Variants in RYR2 observed in about 807,000 individuals in gnomAD.
RYR2 encodes the protein cardiac muscle ryanodine receptor-calcium release channel.
A neutral mutation model predicts 601.1 loss-of-function variants in RYR2; 227 were observed. The observed-to-expected ratio is 0.38, with a 90% CI of 0.34 to 0.42. RYR2 has a LOEUF of 0.42. Ranked by LOEUF, RYR2 falls within the 10% of genes least tolerant of loss-of-function variation. RYR2 has a pLI of 1.00. For missense variants in RYR2, 4,646 were observed against 6,156.5 expected, an observed-to-expected ratio of 0.75 and a Z score of 8.21; for synonymous variants, 2,223 against 2,175.1, an observed-to-expected ratio of 1.02 and a Z score of -0.61.
At chr1:237,237,114 C>A (rs972790731) in intron 1 of RYR2, among the ~76,000 whole-genome samples, 1 of 152,178 alleles carries the variant, frequency 6.6e-6, no homozygotes, top group African/African-American at 2.4e-5. Flanking sequence ...ACCTGCTTCC[C>A]CTTCCACCAT....
intron 70 of RYR2, 97 bp downstream of exon 70, chr1:237,709,664 G>A (rs760217483): frequency 1.5e-6 from 1 of 661,096 alleles, no homozygotes; most frequent in Non-Finnish European, 2.6e-6. Context: ...GAGAGAATAG[G>A]TTCCCCTGAG....
intron 1 of RYR2, among the ~76,000 whole-genome samples, chr1:237,171,840 G>A (rs1178156831): frequency 2.0e-5 from 3 of 152,196 alleles, no homozygotes; most frequent in Admixed American, 2.0e-4. Flanking sequence ...AGATTATGAA[G>A]CTCTGTGCTA....
chr1:237,066,517 G>A (rs1247161853), intron 1 of RYR2, among the ~76,000 whole-genome samples: 1 of 152,066 alleles, frequency 6.6e-6, no homozygotes, highest in African/African-American at 2.4e-5. Flanking sequence ...TATTGTAACT[G>A]TTTTTAAATT....
chr1:237,307,335 C>T (rs1481958152), intron 2 of RYR2, among the ~76,000 whole-genome samples: 1 of 152,166 alleles, frequency 6.6e-6, no homozygotes, highest in African/African-American at 2.4e-5. Flanking sequence ...CTAACTACAG[C>T]ATGACAAATT....
chr1:237,611,005 C>T lies in RYR2; in HGVS notation c.4910+17C>T. The T allele has an allele frequency of 6.3e-7, 1 of 1,599,218 alleles. No individual in the cohort carries two copies. The highest frequency in any genetic ancestry group is 2.3e-5 in the East Asian group (1 of 44,408). ...GGAAAACAGGTCAGCCCCAGTGAAT[C>T]CCTGACATTCTGATTGGGACGCTTG... On this transcript the variant is annotated intron_variant, in intron 36 of 104. Transcript: ENST00000366574.
chr1:237,827,218 C>T (rs1014843061), intron 101 of RYR2, among the ~76,000 whole-genome samples: 2 of 152,140 alleles, frequency 1.3e-5, no homozygotes, highest in Middle Eastern at 3.4e-3. Flanking sequence ...GTTATAACTT[C>T]GAAGAAAGTG....
intron 11 of RYR2, among the ~76,000 whole-genome samples, chr1:237,420,950 T>G (rs1002555136): frequency 2.6e-5 from 4 of 152,064 alleles, no homozygotes; most frequent in African/African-American, 7.2e-5. Flanking sequence ...ATATTAAACA[T>G]AATTGTGACC....
At chr1:237,244,422 C>T (rs1432904166) in intron 1 of RYR2, among the ~76,000 whole-genome samples, 1 of 152,044 alleles carries the variant, frequency 6.6e-6, no homozygotes, top group South Asian at 2.1e-4. Flanking sequence ...GCTCCATCTG[C>T]CCTTCTCTCT....
chr1:237,474,244 G>GTATAC (rs1558880237), intron 17 of RYR2, among the ~76,000 whole-genome samples: 1 of 122,540 alleles, frequency 8.2e-6, no homozygotes, highest in Non-Finnish European at 1.7e-5. Flanking sequence ...TATATGTATA[G>GTATAC]ATATATACAT....
chr1:237,469,157 A>C lies in RYR2; in HGVS notation c.1678A>C (p.Ser560Arg). The change falls in exon 17 of 105, where the codon AGC (serine) becomes CGC (arginine). Residue 560 changes from serine (S) to arginine (R), a missense_variant. Transcript: ENST00000366574. The stretch of plus-strand genomic sequence containing the variant: ...TTCTGGCTCCCTCGACTGGTTGATC[A>C]GCAGATTGGAAAGACTGGAAGCTTC... ...QFSGSLDWLI[S>R]RLERLEASSG... The C allele has an allele frequency of 1.2e-6, 2 of 1,610,372 alleles. No homozygotes were observed. The highest frequency in any genetic ancestry group is 1.7e-6 in the Non-Finnish European group (2 of 1,177,936).
chr1:237,127,365 G>T (rs1216837845), intron 1 of RYR2, among the ~76,000 whole-genome samples: 2 of 151,270 alleles, frequency 1.3e-5, no homozygotes, highest in Non-Finnish European at 3.0e-5. Flanking sequence ...GGGCGGCTGG[G>T]CAGAGGCGCC....
chr1:237,210,612 G>A (rs183793749), intron 1 of RYR2, among the ~76,000 whole-genome samples: 48 of 152,218 alleles, frequency 3.2e-4, no homozygotes, highest in Admixed American at 2.0e-4. Flanking sequence ...ATAACCCAAG[G>A]CCCATAGACT....
chr1:237,342,086 A>C (rs1697861755), intron 3 of RYR2, among the ~76,000 whole-genome samples: 1 of 152,114 alleles, frequency 6.6e-6, no homozygotes, highest in Non-Finnish European at 1.5e-5. Context: ...ACGCATACAA[A>C]ATCTTGTATT....
intron 17 of RYR2, among the ~76,000 whole-genome samples, chr1:237,471,608 A>C (rs1660730243): frequency 6.6e-6 from 1 of 152,232 alleles, no homozygotes; most frequent in East Asian, 1.9e-4. Context: ...AATCAACTGC[A>C]CAGCGAAATG....
chr1:237,232,947 G>T (rs1053166904), intron 1 of RYR2, among the ~76,000 whole-genome samples: 1 of 152,180 alleles, frequency 6.6e-6, no homozygotes, highest in African/African-American at 2.4e-5. Context: ...GATTTTGAAT[G>T]CTGGAATGAT....
intron 30 of RYR2, 47 bp from the exon 31 acceptor site, chr1:237,590,593 T>A (rs751305888): frequency 7.0e-7 from 1 of 1,434,140 alleles, no homozygotes; most frequent in Non-Finnish European, 9.3e-7. Flanking sequence ...AATCAGGAAA[T>A]TGACAATGGT....
rs757251780 is a variant in RYR2 at position 237,530,463 on chromosome 1, A to G, written c.2859A>G (p.Ser953=). The G allele has an allele frequency of 2.5e-6, 4 of 1,609,738 alleles. No individual in the cohort carries two copies. Among genetic ancestry groups the G allele is most frequent in the Non-Finnish European group, 3.4e-6 (4 of 1,177,966 alleles). ...LLALGCHVGI[S]DEHAEDKVKK... ...CATTAGGATGTCATGTGGGTATATC[A>G]GATGAACATGCTGAAGACAAGGTGA... The change falls in exon 25 of 105, where the codon TCA becomes TCG. Residue 953 remains serine (S), a synonymous_variant. Coordinates refer to ENST00000366574, the MANE Select transcript of RYR2 (RefSeq NM_001035.3).
At chr1:237,211,595 C>T (rs1682579462) in intron 1 of RYR2, among the ~76,000 whole-genome samples, 2 of 152,186 alleles carry the variant, frequency 1.3e-5, no homozygotes, top group Admixed American at 1.3e-4. Flanking sequence ...TTAAAACAAA[C>T]CACTGAATCA....
At chr1:237,674,676 C>T in intron 59 of RYR2, 55 bp from the exon 60 acceptor site, 1 of 886,506 alleles carries the variant, frequency 1.1e-6, no homozygotes. Context: ...CACAATTTTA[C>T]CTTCTAAGAG....
Sources: gnomAD v4.1 joint callset for allele counts (sites outside exome capture counted in the v4.1 genomes callset) on GRCh38, gnomAD v4.1.1 for gene constraint, MANE v1.5 for transcripts, NCBI Gene and HGNC (gene_info 2026-07-23, HGNC 2026-07-21) for gene names.